MTHFD1: variants seen among roughly 807,000 people sequenced by gnomAD.
MTHFD1 encodes the protein C-1-tetrahydrofolate synthase, cytoplasmic.
Under a neutral mutation model 110.3 loss-of-function variants are expected in MTHFD1, and 44 were observed. That is an observed-to-expected ratio of 0.40 (90% CI 0.31 to 0.51). MTHFD1 has a LOEUF of 0.51. Ranked by LOEUF, MTHFD1 falls within the 20% of genes least tolerant of loss-of-function variation. MTHFD1 has a pLI of 0.60. For missense variants in MTHFD1, 909 were observed against 1,173.1 expected, an observed-to-expected ratio of 0.77 and a Z score of 3.29; for synonymous variants, 402 against 428.8, an observed-to-expected ratio of 0.94 and a Z score of 0.77.
chr14:64,428,716 G>C (rs1483883302), intron 12 of MTHFD1, among the ~76,000 whole-genome samples: 1 of 151,556 alleles, frequency 6.6e-6, no homozygotes, highest in Non-Finnish European at 1.5e-5. Context: ...ACCATGCCTG[G>C]CTAATTTTTG....
Position 64,458,267 on chromosome 14 carries a change from G to A in MTHFD1, c.2772G>A (p.Leu924=). Reference sequence around the variant, plus strand: ...GGCCCTGTTTTTATGATATTGATTTGGACCCTGAAACAGAACAGGTGAATG... The same window carrying A: ...GGCCCTGTTTTTATGATATTGATTTAGACCCTGAAACAGAACAGGTGAATG... ...PTRPCFYDID[L]DPETEQVNGL... Residue 924 remains leucine (L), a synonymous_variant, in exon 27 of 28, where the codon TTG becomes TTA. Coordinates refer to ENST00000652337, the MANE Select transcript of MTHFD1 (RefSeq NM_005956.4). The A allele has an allele frequency of 6.2e-7, 1 of 1,613,500 alleles. No individual in the cohort carries two copies. The highest frequency in any genetic ancestry group is 1.7e-5 in the Admixed American group (1 of 59,960).
At chr14:64,401,642 G>T (rs1180474415) in intron 2 of MTHFD1, among the ~76,000 whole-genome samples, 10 of 150,048 alleles carry the variant, frequency 6.7e-5, no homozygotes, top group Admixed American at 6.0e-4. Context: ...GGTGGAGGTT[G>T]CAGTGAGCCA....
At position 64,444,711 on chromosome 14, in the gene MTHFD1, C is replaced by G. The variant is rs772200103; in HGVS notation, c.2155C>G (p.Leu719Val). ...CTTCCAGGTCACTGCTGGACTGCCT[C>G]TTCCCAAGGCTTACATACAGGAGGT... is the stretch of plus-strand genomic sequence containing the variant. ...GGPTVTAGLPLPKAYIQENLE... is the reference protein window; with the variant it reads ...GGPTVTAGLPVPKAYIQENLE... The change falls in exon 22 of 28, where the codon CTT becomes GTT. Residue 719 changes from leucine (L) to valine (V), a missense_variant. Coordinates refer to ENST00000652337, the MANE Select transcript of MTHFD1 (RefSeq NM_005956.4). 1.2e-6 allele frequency: 2 copies of G among 1,613,990 alleles called. No individual in the cohort carries two copies. Among genetic ancestry groups the G allele is most frequent in the Non-Finnish European group, 1.7e-6 (2 of 1,179,998 alleles).
In MTHFD1 at chr14:64,440,165, G is replaced by A. The variant is rs1312481173; in HGVS notation, c.1714G>A (p.Val572Ile). 6.2e-7 allele frequency: 1 copy of A among 1,614,076 alleles called. No homozygotes were observed. The highest frequency in any genetic ancestry group is 2.2e-5 in the East Asian group (1 of 44,882). Residue 572 changes from valine (V) to isoleucine (I), a missense_variant, in exon 18 of 28, where the codon GTC (valine) becomes ATC (isoleucine). This residue lies in a region of MTHFD1 where 482 missense variants were observed against 646.0 expected (regional missense o/e 0.75). Coordinates refer to ENST00000652337, the MANE Select transcript of MTHFD1 (RefSeq NM_005956.4). ...DISVASEIMA[V>I]LALTTSLEDM... ...CTCTGTGGCCAGTGAAATTATGGCT[G>A]TCCTGGCTCTCACCACTTCTCTAGA... is the stretch of plus-strand genomic sequence containing the variant.
intron 2 of MTHFD1, among the ~76,000 whole-genome samples, chr14:64,402,510 A>G (rs946089588): frequency 4.6e-5 from 7 of 152,196 alleles, no homozygotes; most frequent in Admixed American, 6.5e-5. Flanking sequence ...ATATTTGTCA[A>G]ATACTCAAGC....
intron 25 of MTHFD1, 67 bp from the exon 26 acceptor site, chr14:64,454,656 G>C (rs1335190207): frequency 7.7e-7 from 1 of 1,290,500 alleles, no homozygotes; most frequent in African/African-American, 1.5e-5. Context: ...TAATCACAGG[G>C]CCCAGATGGT....
intron 1 of MTHFD1, among the ~76,000 whole-genome samples, chr14:64,396,963 G>T (rs1235275104): frequency 6.8e-6 from 1 of 146,084 alleles, no homozygotes; most frequent in Non-Finnish European, 1.5e-5. Context: ...AAATTAGCTG[G>T]GCGTGGTGGC....
At chr14:64,402,922 A>G (rs1684171283) in intron 2 of MTHFD1, among the ~76,000 whole-genome samples, 1 of 152,150 alleles carries the variant, frequency 6.6e-6, no homozygotes, top group African/African-American at 2.4e-5. Context: ...CCTTACATAG[A>G]CTATTAAAAA....
At chr14:64,416,194 G>A (rs747400373) in intron 6 of MTHFD1, among the ~76,000 whole-genome samples, 4 of 152,024 alleles carry the variant, frequency 2.6e-5, no homozygotes, top group Non-Finnish European at 4.4e-5. Context: ...GCAGTGAGCC[G>A]AGATCACCTG....
At chr14:64,452,219 C>T (rs923852246) in intron 24 of MTHFD1, among the ~76,000 whole-genome samples, 1 of 152,142 alleles carries the variant, frequency 6.6e-6, no homozygotes, top group African/African-American at 2.4e-5. Context: ...CTCTTGAACC[C>T]GGGAGGCGGA....
rs964579261 is a variant in MTHFD1, at chr14:64,448,382, C to T, written c.2279+65C>T. The T allele has an allele frequency of 9.3e-5, 113 of 1,219,356 alleles. No individual in the cohort carries two copies. The African/African-American group carries it at 1.2e-3, about 13-fold the overall frequency. 75.5% of individuals were successfully genotyped at this position (1,219,356 alleles called of 1,614,324 possible). On this transcript the variant is annotated intron_variant, in intron 23 of 27. Transcript: ENST00000652337. ...ATCTCCTGGAGCTGATTGTACAGCA[C>T]TGCTTTTAGCTTTATTTTGTTTTTC...
At chr14:64,400,469 G>A (rs1415533666) in intron 1 of MTHFD1, among the ~76,000 whole-genome samples, 2 of 152,080 alleles carry the variant, frequency 1.3e-5, no homozygotes, top group Admixed American at 6.6e-5. Flanking sequence ...GTCCTAGATC[G>A]CTTGAGCCCA....
At chr14:64,399,510 T>A (rs1049588052) in intron 1 of MTHFD1, among the ~76,000 whole-genome samples, 2 of 151,858 alleles carry the variant, frequency 1.3e-5, no homozygotes, top group Admixed American at 6.6e-5. Context: ...AATACAAAAA[T>A]TAGCCGGGCG....
At chr14:64,442,914 C>A (rs906811477) in intron 21 of MTHFD1, among the ~76,000 whole-genome samples, 3 of 152,126 alleles carry the variant, frequency 2.0e-5, no homozygotes, top group African/African-American at 7.2e-5. Flanking sequence ...CAGGTGGAGA[C>A]TGGCTCATCC....
At chr14:64,458,489 T>C in intron 27 of MTHFD1, 182 bp downstream of exon 27, 12 of 639,368 alleles carry the variant, frequency 1.9e-5, no homozygotes, top group Non-Finnish European at 3.4e-5. Flanking sequence ...AATTGAAATA[T>C]TTATATTTCA....
At chr14:64,445,206 C>T (rs1687278795) in intron 22 of MTHFD1, 1 of 208,950 alleles carries the variant, frequency 4.8e-6, no homozygotes, top group South Asian at 8.2e-5. Context: ...CTTCCATTGT[C>T]TTCCCTGCAT....
chr14:64,450,249 A>G (rs2078349022), intron 24 of MTHFD1, among the ~76,000 whole-genome samples: 1 of 152,250 alleles, frequency 6.6e-6, no homozygotes, highest in Non-Finnish European at 1.5e-5. Context: ...CAAATATGTA[A>G]TTCACTGTAG....
intron 19 of MTHFD1, chr14:64,441,681 C>T: frequency 1.8e-6 from 1 of 569,352 alleles, no homozygotes; most frequent in Non-Finnish European, 3.2e-6. Context: ...TGGCGGGCGC[C>T]TGTAGTCCCA....
At position 64,442,375 on chromosome 14, in the gene MTHFD1, T is replaced by C; in HGVS notation, c.2109T>C (p.Ala703=). 1 of 1,614,198 alleles carries C rather than the reference T, an allele frequency of 6.2e-7. No homozygotes were observed. Among genetic ancestry groups the C allele is most frequent in the Non-Finnish European group, 8.5e-7 (1 of 1,180,016 alleles). ...HVVVLVATVR[A]LKMHGGGPTV... ...TGGTGCTTGTTGCCACTGTCAGGGC[T>C]CTCAAGATGCACGGGGGCGGCCCCA... Residue 703 remains alanine (A), a synonymous_variant, in exon 21 of 28, where the codon GCT becomes GCC. Coordinates refer to ENST00000652337, the MANE Select transcript of MTHFD1 (RefSeq NM_005956.4).
Sources: gnomAD v4.1 joint callset for allele counts (sites outside exome capture counted in the v4.1 genomes callset) on GRCh38, gnomAD v4.1.1 for gene constraint, gnomAD v4.1.1 regional missense constraint, MANE v1.5 for transcripts, NCBI Gene and HGNC (gene_info 2026-07-23, HGNC 2026-07-21) for gene names.